Variants in C1orf185 observed in about 807,000 individuals in gnomAD.
The protein encoded by C1orf185 is chromosome 1 open reading frame 185.
Under a neutral mutation model 16.1 loss-of-function variants are expected in C1orf185, and 13 were observed. That is an observed-to-expected ratio of 0.81 (90% CI 0.53 to 1.28). C1orf185 has a LOEUF of 1.28. C1orf185 is among the 50% of genes most tolerant of loss of function. The pLI, the probability that C1orf185 is intolerant of heterozygous loss-of-function variation, is 0.00. For missense variants in C1orf185, 220 were observed against 225.2 expected (o/e 0.98, Z 0.15); for synonymous variants, 80 against 76.9 (o/e 1.04, Z -0.21).
At chr1:51,146,200 T>C (rs758937189) in intron 4 of C1orf185, among the ~76,000 whole-genome samples, 35 of 152,080 alleles carry the variant, frequency 2.3e-4, no homozygotes, top group Non-Finnish European at 4.4e-4. Context: ...GTCTCATGCC[T>C]ATAATCCCAG....
intron 3 of C1orf185, among the ~76,000 whole-genome samples, chr1:51,121,801 T>G (rs1646199354): frequency 6.6e-6 from 1 of 152,058 alleles, no homozygotes; most frequent in South Asian, 2.1e-4. Context: ...CACATGAAAT[T>G]TAAATAATAA....
intron 3 of C1orf185, among the ~76,000 whole-genome samples, chr1:51,122,417 C>A (rs918260345): frequency 1.3e-5 from 2 of 152,124 alleles, no homozygotes; most frequent in Admixed American, 1.3e-4. Flanking sequence ...GGATGTGTAA[C>A]AGTATCTATA....
chr1:51,123,124 G>A (rs1646210109), intron 3 of C1orf185, among the ~76,000 whole-genome samples: 1 of 152,186 alleles, frequency 6.6e-6, no homozygotes, highest in African/African-American at 2.4e-5. Flanking sequence ...TGGTGAAGGG[G>A]CTGAGTGTGC....
intron 1 of C1orf185, 110 bp downstream of exon 1, chr1:51,102,359 A>C: frequency 1.6e-6 from 1 of 643,400 alleles, no homozygotes; most frequent in Non-Finnish European, 2.9e-6. Context: ...AGCTTGTATA[A>C]GATAAGAAAT....
downstream of C1orf185, among the ~76,000 whole-genome samples, chr1:51,151,794 A>G (rs1281783125): frequency 6.6e-6 from 1 of 151,752 alleles, no homozygotes; most frequent in Non-Finnish European, 1.5e-5. Context: ...GGTTCAAGCA[A>G]TTCTCTGCCT....
chr1:51,118,204 G>C (rs1326571277), intron 2 of C1orf185, among the ~76,000 whole-genome samples: 1 of 152,230 alleles, frequency 6.6e-6, no homozygotes, highest in East Asian at 1.9e-4. Context: ...ACAGGCGTAA[G>C]CCACCGCACC....
At chr1:51,107,907 G>A (rs1262637301) in intron 1 of C1orf185, among the ~76,000 whole-genome samples, 1 of 152,082 alleles carries the variant, frequency 6.6e-6, no homozygotes, top group East Asian at 1.9e-4. Context: ...ATTGGCATTT[G>A]GACAGTTTCC....
rs1330773277 is a variant in C1orf185 at position 51,102,247 on chromosome 1, A to C, written c.14A>C (p.Lys5Thr). The change falls in exon 1 of 5, where the codon AAA becomes ACA. Residue 5 changes from lysine to threonine, a missense_variant and splice_region_variant. Transcript: ENST00000371759. MASP[K>T]GFFNYLTYFL... The stretch of plus-strand genomic sequence containing the variant: ...GAACTCAGTCATATGGCTTCACCTA[A>C]AGGTATGAGAAGCTGGGTCATGTAG... The C allele has an allele frequency of 4.2e-6, 3 of 716,292 alleles. No homozygotes were observed. In the South Asian group the frequency reaches 4.5e-5, roughly 11 times the overall value. 44.4% of individuals were successfully genotyped at this position (716,292 alleles called of 1,614,324 possible). A position where few individuals can be genotyped will look rare whatever the true frequency, so the allele number is the denominator to read the frequency against.
chr1:51,150,650 A>G (rs1646425952), downstream of C1orf185, among the ~76,000 whole-genome samples: 1 of 152,360 alleles, frequency 6.6e-6, no homozygotes, highest in Non-Finnish European at 1.5e-5. Flanking sequence ...CAAGAACTAT[A>G]AAGGATCTGA....
At position 51,140,838 on chromosome 1, in the gene C1orf185, G is replaced by C. The variant is rs528860128; in HGVS notation, c.259-4886G>C. ...TAGTGATATTCTCTTGCTCACTTCT[G>C]ATATTTATTTGTTTTCTCTTCCTTT... On this transcript the variant is annotated intron_variant, in intron 3 of 4. Coordinates refer to ENST00000371759, the MANE Select transcript of C1orf185 (RefSeq NM_001136508.2). Among the ~76,000 whole-genome samples, 12 of 152,210 alleles carry C rather than the reference G, an allele frequency of 7.9e-5. No homozygotes were observed. In the East Asian group the frequency reaches 2.3e-3, roughly 29 times the overall value.
At chr1:51,132,809 G>A (rs530116367) in intron 3 of C1orf185, among the ~76,000 whole-genome samples, 1 of 152,166 alleles carries the variant, frequency 6.6e-6, no homozygotes, top group African/African-American at 2.4e-5. Context: ...GCCAGCTAGA[G>A]AGAAAAGTCA....
At chr1:51,135,559 A>G (rs1372656483) in intron 3 of C1orf185, among the ~76,000 whole-genome samples, 19 of 152,164 alleles carry the variant, frequency 1.2e-4, no homozygotes. Context: ...AAAACAGAAC[A>G]TGATTATTTC....
intron 1 of C1orf185, among the ~76,000 whole-genome samples, chr1:51,109,515 A>ATT (rs36020010): frequency 1.9e-4 from 29 of 150,608 alleles, no homozygotes; most frequent in Non-Finnish European, 2.5e-4. Flanking sequence ...CATTTCCCCT[A>ATT]TTTTTTTTTC....
intron 2 of C1orf185, 142 bp downstream of exon 2, chr1:51,112,711 G>A (rs534610171): frequency 4.5e-6 from 3 of 666,308 alleles, no homozygotes; most frequent in South Asian, 3.4e-5. Context: ...CTTTGGTTGG[G>A]GACGGAAGGC....
intron 3 of C1orf185, among the ~76,000 whole-genome samples, chr1:51,145,184 C>A (rs1260706892): frequency 1.3e-5 from 2 of 151,756 alleles, no homozygotes; most frequent in Non-Finnish European, 2.9e-5. Context: ...CGCACACCTG[C>A]AGTCCAGCTA....
At chr1:51,118,409 C>T (rs1646173090) in intron 2 of C1orf185, among the ~76,000 whole-genome samples, 1 of 151,978 alleles carries the variant, frequency 6.6e-6, no homozygotes, top group African/African-American at 2.4e-5. Flanking sequence ...AAAATATTAG[C>T]TCTGCATACA....
At chr1:51,141,228 G>A (rs1360060354) in intron 3 of C1orf185, among the ~76,000 whole-genome samples, 3 of 152,222 alleles carry the variant, frequency 2.0e-5, no homozygotes, top group South Asian at 2.1e-4. Context: ...GGTGGCTTAT[G>A]TCTATAACCC....
intron 3 of C1orf185, among the ~76,000 whole-genome samples, chr1:51,132,081 A>G (rs1196532328): frequency 2.0e-5 from 3 of 152,170 alleles, no homozygotes; most frequent in African/African-American, 7.2e-5. Context: ...AGGTCATAAA[A>G]TAGGTGAAAA....
At chr1:51,137,151 GA>G (rs1184300543) in intron 3 of C1orf185, among the ~76,000 whole-genome samples, 3 of 151,966 alleles carry the variant, frequency 2.0e-5, no homozygotes, top group East Asian at 1.9e-4. Context: ...TGAATCATAT[GA>G]AAAAAAAGTT....
Sources: gnomAD v4.1 joint callset for allele counts (sites outside exome capture counted in the v4.1 genomes callset) on GRCh38, gnomAD v4.1.1 for gene constraint, MANE v1.5 for transcripts, NCBI Gene and HGNC (gene_info 2026-07-23, HGNC 2026-07-21) for gene names.